ROBO2: variants seen among roughly 807,000 people sequenced by gnomAD.
The protein encoded by ROBO2 is roundabout homolog 2.
A neutral mutation model predicts 160.8 loss-of-function variants in ROBO2; 53 were observed. That is an observed-to-expected ratio of 0.33 (90% CI 0.26 to 0.41). ROBO2 has a LOEUF of 0.41. ROBO2 is among the 10% of genes least tolerant of loss of function. The pLI, the probability that ROBO2 is intolerant of heterozygous loss-of-function variation, is 1.00. For missense variants in ROBO2, 1,577 were observed against 1,722.4 expected (o/e 0.92, Z 1.49); for synonymous variants, 664 against 611.7 (o/e 1.09, Z -1.26).
At chr3:77,277,706 T>C (rs2059981620) in intron 2 of ROBO2, among the ~76,000 whole-genome samples, 1 of 152,184 alleles carries the variant, frequency 6.6e-6, no homozygotes, top group African/African-American at 2.4e-5. Flanking sequence ...TCTGTCACTG[T>C]GGACATTTGG....
intron 2 of ROBO2, among the ~76,000 whole-genome samples, chr3:76,864,763 T>G (rs1441027447): frequency 6.6e-6 from 1 of 152,114 alleles, no homozygotes; most frequent in Non-Finnish European, 1.5e-5. Context: ...TTAGAAGGTA[T>G]GTATATATGG....
intron 2 of ROBO2, among the ~76,000 whole-genome samples, chr3:76,364,346 T>G (rs945065205): frequency 1.3e-5 from 2 of 152,122 alleles, no homozygotes; most frequent in African/African-American, 4.8e-5. Context: ...ATCTGAAATA[T>G]TCTTTATTCT....
intron 2 of ROBO2, among the ~76,000 whole-genome samples, chr3:77,266,133 A>G (rs1288560221): frequency 6.6e-6 from 1 of 152,012 alleles, no homozygotes; most frequent in Non-Finnish European, 1.5e-5. Context: ...ATGTCTCACT[A>G]GGCACAGGAT....
At chr3:76,889,815 G>GT (rs1301087473) in intron 2 of ROBO2, among the ~76,000 whole-genome samples, 1 of 151,970 alleles carries the variant, frequency 6.6e-6, no homozygotes, top group Non-Finnish European at 1.5e-5. Context: ...TTTGTTTTTT[G>GT]TTTTTTTCCT....
chr3:77,502,911 A>G (rs1477606237), intron 5 of ROBO2, among the ~76,000 whole-genome samples: 4 of 152,160 alleles, frequency 2.6e-5, no homozygotes, highest in Non-Finnish European at 2.9e-5. Flanking sequence ...AGGACTATGT[A>G]TACATCTAGA....
At chr3:76,736,097 C>G (rs2093706752) in intron 2 of ROBO2, among the ~76,000 whole-genome samples, 2 of 151,460 alleles carry the variant, frequency 1.3e-5, no homozygotes, top group South Asian at 2.1e-4. Context: ...TCCTGGCTAA[C>G]ACGGTGAAAC....
At chr3:77,334,166 G>A (rs1056724278) in intron 2 of ROBO2, among the ~76,000 whole-genome samples, 2 of 152,174 alleles carry the variant, frequency 1.3e-5, no homozygotes, top group Non-Finnish European at 2.9e-5. Context: ...TTTCAGCATT[G>A]TATTAAGCTG....
intron 2 of ROBO2, among the ~76,000 whole-genome samples, chr3:76,213,459 T>C (rs894933667): frequency 3.9e-5 from 6 of 152,140 alleles, no homozygotes; most frequent in African/African-American, 1.4e-4. Flanking sequence ...CTGATCCTTA[T>C]GTTGTGAAAA....
chr3:77,394,520 G>C (rs955461625), intron 2 of ROBO2, among the ~76,000 whole-genome samples: 3 of 152,082 alleles, frequency 2.0e-5, no homozygotes, highest in Non-Finnish European at 2.9e-5. Flanking sequence ...ACAGTTCCTT[G>C]TTTTGTGCTC....
intron 2 of ROBO2, among the ~76,000 whole-genome samples, chr3:77,127,992 G>A (rs2075501132): frequency 6.6e-6 from 1 of 152,168 alleles, no homozygotes; most frequent in African/African-American, 2.4e-5. Context: ...CGCCTATAAT[G>A]TTAACCAGCT....
chr3:76,865,630 C>A (rs1251878499), intron 2 of ROBO2, among the ~76,000 whole-genome samples: 1 of 152,058 alleles, frequency 6.6e-6, no homozygotes, highest in African/African-American at 2.4e-5. Context: ...ACTGACCTCA[C>A]CATTTATTCC....
At chr3:77,483,608 C>A (rs902908689) in intron 4 of ROBO2, among the ~76,000 whole-genome samples, 1 of 151,284 alleles carries the variant, frequency 6.6e-6, no homozygotes, top group Non-Finnish European at 1.5e-5. Flanking sequence ...CACTCTGTAG[C>A]TACAGAAGGT....
intron 2 of ROBO2, among the ~76,000 whole-genome samples, chr3:77,125,535 G>A (rs1246360765): frequency 3.9e-5 from 6 of 151,974 alleles, no homozygotes; most frequent in African/African-American, 1.2e-4. Context: ...TCTTCTTAAC[G>A]ACGAAAAGAT....
intron 2 of ROBO2, among the ~76,000 whole-genome samples, chr3:76,347,546 T>G (rs1224293912): frequency 6.6e-6 from 1 of 152,094 alleles, no homozygotes; most frequent in Non-Finnish European, 1.5e-5. Context: ...ATTTGCCTGT[T>G]CTGGTCAAAG....
intron 2 of ROBO2, among the ~76,000 whole-genome samples, chr3:77,470,269 A>G (rs2083220971): frequency 6.6e-6 from 1 of 152,230 alleles, no homozygotes; most frequent in Non-Finnish European, 1.5e-5. Context: ...TCACATTTGC[A>G]TTTTAGCTAA....
At chr3:76,588,063 G>T (rs1047418741) in intron 2 of ROBO2, among the ~76,000 whole-genome samples, 1 of 152,066 alleles carries the variant, frequency 6.6e-6, no homozygotes, top group African/African-American at 2.4e-5. Context: ...GTTTAAAATC[G>T]TGCATGAATA....
At chr3:77,595,444 G>C (rs2094280091) in intron 18 of ROBO2, among the ~76,000 whole-genome samples, 1 of 152,126 alleles carries the variant, frequency 6.6e-6, no homozygotes, top group Non-Finnish European at 1.5e-5. Flanking sequence ...TTTGTTAGCA[G>C]GATGTTTATT....
In ROBO2 at chr3:77,172,069, A is replaced by C. The variant is rs1041424299; in HGVS notation, c.388+73729A>C. 2.0e-5 allele frequency among the ~76,000 whole-genome samples: 3 copies of C among 152,200 alleles called. No homozygotes were observed. The South Asian group carries it at 6.2e-4, about 32-fold the overall frequency. On this transcript the variant is annotated intron_variant, in intron 2 of 25. Transcript: ENST00000461745. ...TTTACTGTTTGGAAAAATTCACAAT[A>C]AGTATAGTTTTATACAGTCAAATTT...
chr3:77,119,425 A>G (rs1232665257), intron 2 of ROBO2, among the ~76,000 whole-genome samples: 4 of 152,208 alleles, frequency 2.6e-5, no homozygotes, highest in Admixed American at 2.0e-4. Context: ...ACATCATTAC[A>G]TGGTGTATGA....
Sources: gnomAD v4.1 joint callset for allele counts (sites outside exome capture counted in the v4.1 genomes callset) on GRCh38, gnomAD v4.1.1 for gene constraint, MANE v1.5 for transcripts, NCBI Gene and HGNC (gene_info 2026-07-23, HGNC 2026-07-21) for gene names.